SCP2: variants seen among roughly 807,000 people sequenced by gnomAD.
SCP2 encodes SCP-2/3-oxoacyl-CoA thiolase.
SCP2 carries 48 observed loss-of-function variants against 71.4 expected under a neutral mutation model. The observed-to-expected ratio is 0.67, with a 90% CI of 0.53 to 0.86. The LOEUF (loss-of-function observed/expected upper bound fraction) is 0.86. Among genes scored for constraint, SCP2 ranks in the 40% least tolerant of loss-of-function variants. The pLI, the probability that SCP2 is intolerant of heterozygous loss-of-function variation, is 0.00. For synonymous variants in SCP2, 220 were observed against 218.1 expected (o/e 1.01, Z -0.08); for missense variants, 560 against 655.6 (o/e 0.85, Z 1.59).
At chr1:53,011,563 G>A (rs1660990593) in intron 11 of SCP2, among the ~76,000 whole-genome samples, 1 of 152,200 alleles carries the variant, frequency 6.6e-6, no homozygotes, top group African/African-American at 2.4e-5. Context: ...CCAACATCTT[G>A]TTAGGAAATG....
chr1:52,977,926 A>G (rs934402915), intron 8 of SCP2, among the ~76,000 whole-genome samples: 2 of 151,794 alleles, frequency 1.3e-5, no homozygotes, highest in African/African-American at 4.8e-5. Flanking sequence ...AGATAACACC[A>G]TTATACTCCA....
Position 52,950,765 on chromosome 1 carries a change from C to T in SCP2, c.210C>T (p.Thr70=). The T allele has an allele frequency of 6.2e-7, 1 of 1,613,616 alleles. No individual in the cohort carries two copies. Among genetic ancestry groups the T allele is most frequent in the Non-Finnish European group, 8.5e-7 (1 of 1,179,644 alleles). The stretch of plus-strand genomic sequence containing the variant: ...TGTTTTTCTATTCAGGTGACTCTAC[C>T]TGTGGGCAGAGGGCTATCTATCACA... ...ACVGYVFGDS[T]CGQRAIYHSL... The change falls in exon 4 of 16, where the codon ACC becomes ACT. Residue 70 remains threonine, a synonymous_variant. Transcript: ENST00000371514.
intron 2 of SCP2, among the ~76,000 whole-genome samples, chr1:52,944,966 A>G (rs1470978858): frequency 6.6e-6 from 1 of 151,932 alleles, no homozygotes; most frequent in East Asian, 2.0e-4. Context: ...CATTTAAAGG[A>G]GGTACAGAGT....
chr1:53,041,170 G>A (rs190608297), intron 14 of SCP2, among the ~76,000 whole-genome samples: 203 of 152,262 alleles, frequency 1.3e-3, no homozygotes, highest in Non-Finnish European at 2.2e-3. Context: ...TTGGGAGGCC[G>A]AGGCGGGCGG....
intron 4 of SCP2, among the ~76,000 whole-genome samples, chr1:52,952,629 T>C (rs1261271342): frequency 6.6e-6 from 1 of 152,116 alleles, no homozygotes; most frequent in Admixed American, 6.6e-5. Flanking sequence ...ATAATGGGCA[T>C]GGTGTCTGGC....
chr1:53,034,161 C>T (rs1662753348), intron 13 of SCP2, among the ~76,000 whole-genome samples: 1 of 151,878 alleles, frequency 6.6e-6, no homozygotes, highest in African/African-American at 2.4e-5. Context: ...CCTGTAGTCT[C>T]AGCTACTTAG....
chr1:52,942,888 A>G (rs1338005285), intron 2 of SCP2, among the ~76,000 whole-genome samples: 1 of 151,506 alleles, frequency 6.6e-6, no homozygotes, highest in African/African-American at 2.4e-5. Context: ...TTTTAGTAGA[A>G]ACGGGGTTTC....
At chr1:52,973,592 G>A (rs1195432105) in intron 6 of SCP2, among the ~76,000 whole-genome samples, 1 of 151,480 alleles carries the variant, frequency 6.6e-6, no homozygotes, top group Non-Finnish European at 1.5e-5. Context: ...TTCTTTTTTT[G>A]AGATGGAGTC....
intron 10 of SCP2, among the ~76,000 whole-genome samples, chr1:52,987,518 G>A (rs1009184241): frequency 6.6e-6 from 1 of 152,178 alleles, no homozygotes; most frequent in Non-Finnish European, 1.5e-5. Context: ...AAGCCACCAA[G>A]CATGTGAAGT....
At chr1:52,965,921 C>T (rs1358105365) in intron 6 of SCP2, among the ~76,000 whole-genome samples, 1 of 151,912 alleles carries the variant, frequency 6.6e-6, no homozygotes, top group Non-Finnish European at 1.5e-5. Context: ...GCTGGGATTA[C>T]AGGTGTGAGC....
chr1:53,025,568 C>G (rs934052555), intron 12 of SCP2, among the ~76,000 whole-genome samples: 3 of 152,128 alleles, frequency 2.0e-5, no homozygotes, highest in Non-Finnish European at 4.4e-5. Context: ...TTATTCAGGC[C>G]AAATGCCTGG....
intron 1 of SCP2, among the ~76,000 whole-genome samples, chr1:52,934,003 A>T (rs1653415617): frequency 6.6e-6 from 1 of 152,250 alleles, no homozygotes; most frequent in Admixed American, 6.5e-5. Context: ...TTTTCACTTA[A>T]GACCTCGATG....
intron 6 of SCP2, among the ~76,000 whole-genome samples, chr1:52,972,449 C>T (rs940177838): frequency 1.3e-5 from 2 of 152,120 alleles, no homozygotes; most frequent in Admixed American, 6.5e-5. Flanking sequence ...AGAAAAGATA[C>T]GAACATTATT....
intron 12 of SCP2, among the ~76,000 whole-genome samples, chr1:53,024,247 A>C (rs1213473520): frequency 6.6e-6 from 1 of 152,180 alleles, no homozygotes; most frequent in Non-Finnish European, 1.5e-5. Context: ...AGAGGTACCT[A>C]GAGTATTCAA....
At chr1:52,966,797 G>C (rs1657003843) in intron 6 of SCP2, among the ~76,000 whole-genome samples, 1 of 152,206 alleles carries the variant, frequency 6.6e-6, no homozygotes, top group Non-Finnish European at 1.5e-5. Flanking sequence ...GGAGGCTAAG[G>C]CAGGAGAATC....
At chr1:52,999,404 G>T (rs1432653151) in intron 11 of SCP2, among the ~76,000 whole-genome samples, 1 of 152,182 alleles carries the variant, frequency 6.6e-6, no homozygotes, top group African/African-American at 2.4e-5. Flanking sequence ...AGTGATGAGG[G>T]TGTAAGATTC....
intron 5 of SCP2, among the ~76,000 whole-genome samples, chr1:52,955,097 A>G (rs1655677147): frequency 6.6e-6 from 1 of 152,226 alleles, no homozygotes; most frequent in African/African-American, 2.4e-5. Flanking sequence ...GAAGAGAGTT[A>G]ATAAAATGTG....
intron 1 of SCP2, among the ~76,000 whole-genome samples, chr1:52,933,442 G>GA (rs886770145): frequency 1.3e-5 from 2 of 151,324 alleles, no homozygotes; most frequent in Admixed American, 6.6e-5. Flanking sequence ...CAAAAATTAA[G>GA]AAAAAAAACC....
intron 10 of SCP2, among the ~76,000 whole-genome samples, chr1:52,980,805 A>G (rs1335288482): frequency 6.6e-6 from 1 of 152,220 alleles, no homozygotes; most frequent in African/African-American, 2.4e-5. Flanking sequence ...TATCTGACCA[A>G]AATAGCTACT....
Sources: allele counts gnomAD v4.1 joint callset (sites outside exome capture counted in the v4.1 genomes callset), GRCh38; gene constraint gnomAD v4.1.1; transcripts MANE v1.5; gene names NCBI Gene and HGNC (gene_info 2026-07-23, HGNC 2026-07-21).